Variants in AP4E1 observed in about 807,000 individuals in gnomAD.
AP4E1 encodes AP-4 complex subunit epsilon-1.
In AP4E1, 56 loss-of-function variants were observed where a neutral mutation model predicts 128.2. The observed-to-expected ratio is 0.44, with a 90% CI of 0.35 to 0.55. The LOEUF (loss-of-function observed/expected upper bound fraction) is 0.55, where lower values mean the gene tolerates loss of function less well. Ranked by LOEUF, AP4E1 falls within the 20% of genes least tolerant of loss-of-function variation. AP4E1 has a pLI of 0.00. For missense variants in AP4E1, 1,324 were observed against 1,307.7 expected, an observed-to-expected ratio of 1.01 and a Z score of -0.19; for synonymous variants, 484 against 473.1, an observed-to-expected ratio of 1.02 and a Z score of -0.30.
intron 16 of AP4E1, among the ~76,000 whole-genome samples, chr15:50,984,897 T>G (rs1418815799): frequency 6.6e-6 from 1 of 152,134 alleles, no homozygotes; most frequent in Non-Finnish European, 1.5e-5. Context: ...TCTTCCACAA[T>G]GGTTGAACTA....
Position 51,003,463 on chromosome 15 carries a change from T to C in AP4E1, c.*801T>C, listed in dbSNP as rs1433221576. 1 of 152,262 alleles carries C rather than the reference T, an allele frequency of 6.6e-6. No individual in the cohort carries two copies. Among genetic ancestry groups the C allele is most frequent in the Non-Finnish European group, 1.5e-5 (1 of 68,036 alleles). 9.4% of individuals were successfully genotyped at this position (152,262 alleles called of 1,614,324 possible). A position where few individuals can be genotyped will look rare whatever the true frequency, so the allele number is the denominator to read the frequency against. On this transcript the variant is annotated 3_prime_UTR_variant, in exon 21 of 21. Coordinates refer to ENST00000261842, the MANE Select transcript of AP4E1 (RefSeq NM_007347.5). ...TTTTTAGTTATGACAAATATTTTAGTTGGTTACTACTTAGGTCCTTTTGGC... is the reference window on the plus strand; with the variant it reads ...TTTTTAGTTATGACAAATATTTTAGCTGGTTACTACTTAGGTCCTTTTGGC...
intron 18 of AP4E1, 58 bp downstream of exon 18, chr15:50,997,941 C>T: frequency 4.4e-6 from 6 of 1,361,260 alleles, no homozygotes; most frequent in African/African-American, 1.5e-5. Context: ...TTCTCTTTTC[C>T]TGTGCTCTTT....
At position 51,002,607 on chromosome 15, in the gene AP4E1, C is replaced by G. The variant is rs1344827328; in HGVS notation, c.3359C>G (p.Ser1120Cys). ...GCCCTGTGGTTCAGATCCTCCTGTT[C>G]TACTCTTCCTGACTATTTACTGTAT... ...VLALWFRSSC[S>C]TLPDYLLYQC... Residue 1120 changes from serine to cysteine, a missense_variant, in exon 21 of 21, where the codon TCT becomes TGT. By Grantham distance (112) the Ser-to-Cys change is moderately radical. Coordinates refer to ENST00000261842, the MANE Select transcript of AP4E1 (RefSeq NM_007347.5). The G allele has an allele frequency of 6.2e-7, 1 of 1,614,154 alleles. No individual in the cohort carries two copies. Among genetic ancestry groups the G allele is most frequent in the Admixed American group, 1.7e-5 (1 of 60,022 alleles).
chr15:50,997,884 G>A lies in AP4E1; in HGVS notation c.2904+1G>A, dbSNP rs1385705869. The A allele has an allele frequency of 6.3e-7, 1 of 1,594,324 alleles. No individual in the cohort carries two copies. The highest frequency in any genetic ancestry group is 8.6e-7 in the Non-Finnish European group (1 of 1,168,924). On this transcript the variant is annotated splice_donor_variant, in intron 18 of 20. Coordinates refer to ENST00000261842, the MANE Select transcript of AP4E1 (RefSeq NM_007347.5). LOFTEE classifies it high-confidence loss of function. Reference sequence around the variant, plus strand: ...AATTTTTCCTGCAGAAAATTTCAAGGTAAAATTTAAAGGTATTATTGTTTT... The same window carrying A: ...AATTTTTCCTGCAGAAAATTTCAAGATAAAATTTAAAGGTATTATTGTTTT...
At chr15:50,949,961 T>A (rs765568464) in intron 12 of AP4E1, 23 bp downstream of exon 12, 1 of 1,599,492 alleles carries the variant, frequency 6.3e-7, no homozygotes, top group Non-Finnish European at 8.6e-7. Flanking sequence ...TTATATTCTG[T>A]AAAGTAAACA....
rs548569109 is a variant in AP4E1 at position 50,988,682 on chromosome 15, G to C, written c.2090+4537G>C. On this transcript the variant is annotated intron_variant, in intron 16 of 20. Transcript: ENST00000261842. Reference sequence around the variant, plus strand: ...GAGAATATCCTATCACATATTGCTAGCCTGGGAAAAGATAAAAGTTCAAAA... The same window carrying C: ...GAGAATATCCTATCACATATTGCTACCCTGGGAAAAGATAAAAGTTCAAAA... 3.3e-5 allele frequency among the ~76,000 whole-genome samples: 5 copies of C among 152,216 alleles called. No individual in the cohort carries two copies. In the South Asian group the frequency reaches 8.3e-4, roughly 25 times the overall value.
intron 3 of AP4E1, among the ~76,000 whole-genome samples, chr15:50,922,387 C>T (rs961440626): frequency 2.6e-5 from 4 of 151,910 alleles, no homozygotes; most frequent in African/African-American, 4.8e-5. Context: ...TTTCTTGGCC[C>T]GGGTCAGATT....
chr15:50,994,975 GAA>G (rs994430223), intron 17 of AP4E1, among the ~76,000 whole-genome samples: 3 of 152,002 alleles, frequency 2.0e-5, no homozygotes, highest in African/African-American at 7.2e-5. Context: ...CTGAAGAGTA[GAA>G]AAAGGAGTGT....
chr15:50,915,375 A>G, intron 2 of AP4E1, 73 bp from the exon 3 acceptor site: 1 of 1,486,262 alleles, frequency 6.7e-7, no homozygotes, highest in Non-Finnish European at 9.3e-7. Context: ...CTCCTTTTAA[A>G]TTATGAGAAC....
At chr15:50,924,586 T>C (rs1031463486) in intron 4 of AP4E1, among the ~76,000 whole-genome samples, 1 of 152,160 alleles carries the variant, frequency 6.6e-6, no homozygotes, top group African/African-American at 2.4e-5. Flanking sequence ...GACCTTTAAG[T>C]CATATACTAT....
intron 14 of AP4E1, 59 bp from the exon 15 acceptor site, chr15:50,968,204 A>C (rs1276684081): frequency 7.2e-6 from 8 of 1,115,018 alleles, no homozygotes; most frequent in Non-Finnish European, 1.1e-5. Flanking sequence ...TTATGTGACT[A>C]TATAATCTAC....
At chr15:50,985,406 T>A (rs552567259) in intron 16 of AP4E1, among the ~76,000 whole-genome samples, 45 of 152,344 alleles carry the variant, frequency 3.0e-4, no homozygotes, top group African/African-American at 1.1e-3. Flanking sequence ...CTGAATGGTA[T>A]TGCCTAGGTT....
upstream of AP4E1, among the ~76,000 whole-genome samples, chr15:50,907,970 G>A (rs932140270): frequency 6.6e-6 from 1 of 152,232 alleles, no homozygotes; most frequent in African/African-American, 2.4e-5. Context: ...CGCTGTGAGA[G>A]GGTGGGACTT....
chr15:50,920,076 A>C (rs28491222), intron 3 of AP4E1, among the ~76,000 whole-genome samples: 35,606 of 81,966 alleles, frequency 0.43, 4,784 homozygotes, highest in African/African-American at 0.48. Context: ...TAATATGTCT[A>C]AAAAAAAAAA....
chr15:50,928,869 A>T, intron 5 of AP4E1, 140 bp from the exon 6 acceptor site: 1 of 835,876 alleles, frequency 1.2e-6, no homozygotes, highest in Non-Finnish European at 1.9e-6. Context: ...TAAATAAATT[A>T]ATCACAAATG....
intron 10 of AP4E1, among the ~76,000 whole-genome samples, chr15:50,942,350 T>C (rs1452069735): frequency 6.6e-6 from 1 of 152,194 alleles, no homozygotes; most frequent in Non-Finnish European, 1.5e-5. Flanking sequence ...AATTTCGATC[T>C]GAGCATCATA....
At chr15:50,940,715 T>A (rs1457376142) in intron 8 of AP4E1, among the ~76,000 whole-genome samples, 1 of 152,212 alleles carries the variant, frequency 6.6e-6, no homozygotes, top group Non-Finnish European at 1.5e-5. Context: ...GCATGACTCA[T>A]GCTTTTTCAA....
intron 10 of AP4E1, among the ~76,000 whole-genome samples, chr15:50,942,923 T>C (rs2064007152): frequency 6.6e-6 from 1 of 152,096 alleles, no homozygotes; most frequent in African/African-American, 2.4e-5. Context: ...AGGGGATACA[T>C]GTGTGGGTTT....
At chr15:50,930,479 A>G (rs984255370) in intron 6 of AP4E1, among the ~76,000 whole-genome samples, 15 of 151,500 alleles carry the variant, frequency 9.9e-5, no homozygotes, top group African/African-American at 3.6e-4. Context: ...CTTTTGCAGT[A>G]TGCCAGTTCT....
Sources: allele counts gnomAD v4.1 joint callset (sites outside exome capture counted in the v4.1 genomes callset), GRCh38; gene constraint gnomAD v4.1.1; transcripts MANE v1.5; gene names NCBI Gene and HGNC (gene_info 2026-07-23, HGNC 2026-07-21).